Variants in NR3C2 observed in about 807,000 individuals in gnomAD.
The protein encoded by NR3C2 is nuclear receptor subfamily 3 group C member 2.
NR3C2 carries 15 observed loss-of-function variants against 86.4 expected under a neutral mutation model. The ratio of observed to expected loss-of-function variants is 0.17; its 90% CI spans 0.12 to 0.27. The LOEUF is 0.27. Among genes scored for constraint, NR3C2 ranks in the 10% least tolerant of loss-of-function variants. NR3C2 has a pLI of 1.00. For synonymous variants in NR3C2, 458 were observed against 450.5 expected (o/e 1.02, Z -0.21); for missense variants, 960 against 1,195.6 (o/e 0.80, Z 2.91).
At chr4:148,157,306 TA>T (rs1297102577) in intron 4 of NR3C2, among the ~76,000 whole-genome samples, 1 of 151,796 alleles carries the variant, frequency 6.6e-6, no homozygotes, top group South Asian at 2.1e-4. Context: ...AAAGTATAAT[TA>T]AAAAAACCCC....
chr4:148,442,734 C>G (rs887580395), upstream of NR3C2: 2 of 985,306 alleles, frequency 2.0e-6, no homozygotes, highest in African/African-American at 3.5e-5. Context: ...AAAGCCGCAG[C>G]CGCGGCGGGA....
intron 2 of NR3C2, among the ~76,000 whole-genome samples, chr4:148,323,871 A>T (rs1304971091): frequency 6.6e-6 from 1 of 151,376 alleles, no homozygotes; most frequent in Non-Finnish European, 1.5e-5. Context: ...TGTGGACCGG[A>T]GCTGTTCCCA....
At chr4:148,374,608 G>C (rs1394139822) in intron 2 of NR3C2, among the ~76,000 whole-genome samples, 1 of 152,112 alleles carries the variant, frequency 6.6e-6, no homozygotes, top group Non-Finnish European at 1.5e-5. Flanking sequence ...AGAACTTCCT[G>C]GATGCTCAGA....
rs964947366 is a variant in NR3C2, at chr4:148,221,313, A to G, written c.1898-26451T>C. 2.0e-5 allele frequency among the ~76,000 whole-genome samples: 3 copies of G among 152,346 alleles called. No individual in the cohort carries two copies. In the South Asian group the frequency reaches 6.2e-4, roughly 32 times the overall value. ...GATTTCCAGAGTAGTAGCTTTATAA[A>G]GTCACATAAAGTGGACGTACAACTC... On this transcript the variant is annotated intron_variant, in intron 3 of 8. Transcript: ENST00000358102.
chr4:148,340,339 G>A (rs1744691323), intron 2 of NR3C2, among the ~76,000 whole-genome samples: 1 of 152,022 alleles, frequency 6.6e-6, no homozygotes, highest in South Asian at 2.1e-4. Flanking sequence ...AAAGAATAGA[G>A]CTAACTCACT....
Position 148,080,870 on chromosome 4 carries a change from TTTA to T in NR3C2, c.*471_*473del, listed in dbSNP as rs777438365. On this transcript the variant is annotated 3_prime_UTR_variant, in exon 9 of 9. Transcript: ENST00000358102. The stretch of plus-strand genomic sequence containing the variant: ...CACAACAGGAATCTGTATATATTTT[TTTA>T]TTATTTTTTTGTGTTTTTTTAATAA... 4.9e-5 allele frequency: 18 copies of T among 367,652 alleles called. 1 individual carries two copies. The highest frequency in any genetic ancestry group is 2.4e-4 in the South Asian group (12 of 50,202). The allele number at this position is 367,652 out of a possible 1,614,324, so 22.8% of individuals were successfully genotyped here.
chr4:148,317,285 G>A (rs1309098744), intron 2 of NR3C2, among the ~76,000 whole-genome samples: 1 of 151,644 alleles, frequency 6.6e-6, no homozygotes, highest in Non-Finnish European at 1.5e-5. Context: ...AACCCGGGAG[G>A]TGGAGGTTGT....
intron 1 of NR3C2, among the ~76,000 whole-genome samples, chr4:148,438,057 T>C (rs1381216852): frequency 6.6e-6 from 1 of 152,220 alleles, no homozygotes; most frequent in Non-Finnish European, 1.5e-5. Flanking sequence ...ATCCAAATAA[T>C]ACAAGTGTGA....
chr4:148,281,146 T>C (rs548134746), intron 2 of NR3C2, among the ~76,000 whole-genome samples: 1 of 152,336 alleles, frequency 6.6e-6, no homozygotes, highest in African/African-American at 2.4e-5. Flanking sequence ...CTGCTTTTTC[T>C]TTATCCCTGT....
At chr4:148,182,182 G>A (rs1009004148) in intron 4 of NR3C2, among the ~76,000 whole-genome samples, 45 of 152,128 alleles carry the variant, frequency 3.0e-4, no homozygotes, top group Middle Eastern at 3.2e-3. Flanking sequence ...AGAAAACAGC[G>A]GTGAGATCGA....
intron 4 of NR3C2, among the ~76,000 whole-genome samples, chr4:148,192,230 G>A (rs1736230607): frequency 6.6e-6 from 1 of 152,164 alleles, no homozygotes; most frequent in Admixed American, 6.5e-5. Flanking sequence ...TTTCCTGTGA[G>A]CCAAACTGCA....
At chr4:148,439,813 CACATTTGTGAGGCT>C (rs1750250667) in intron 1 of NR3C2, among the ~76,000 whole-genome samples, 1 of 152,178 alleles carries the variant, frequency 6.6e-6, no homozygotes, top group Non-Finnish European at 1.5e-5. Context: ...AACCATATCC[CACATTTGTGAGGCT>C]ACGGAAGACC....
intron 6 of NR3C2, among the ~76,000 whole-genome samples, chr4:148,124,509 T>A (rs1203559496): frequency 1.3e-5 from 2 of 152,150 alleles, no homozygotes; most frequent in African/African-American, 4.8e-5. Flanking sequence ...AGCTTTAAAA[T>A]TTTTTTCTCT....
chr4:148,377,173 T>C (rs1455011635), intron 2 of NR3C2, among the ~76,000 whole-genome samples: 1 of 152,184 alleles, frequency 6.6e-6, no homozygotes, highest in Non-Finnish European at 1.5e-5. Flanking sequence ...ATAGTGATTG[T>C]TGCTAAAGAG....
Position 148,081,327 on chromosome 4 carries a change from T to G in NR3C2, c.*17A>C, listed in dbSNP as rs757550502. The G allele has an allele frequency of 8.1e-6, 13 of 1,614,080 alleles. No individual in the cohort carries two copies. ...CACAGGGAAACTTAAGGCAAAGTTCTTCTGGGCAGCGGGCAGTCACTTCCG... is the reference window on the plus strand; with the variant it reads ...CACAGGGAAACTTAAGGCAAAGTTCGTCTGGGCAGCGGGCAGTCACTTCCG... On this transcript the variant is annotated 3_prime_UTR_variant, in exon 9 of 9. Coordinates refer to ENST00000358102, the MANE Select transcript of NR3C2 (RefSeq NM_000901.5).
chr4:148,084,495 T>A (rs906194558), intron 8 of NR3C2, among the ~76,000 whole-genome samples: 27 of 152,318 alleles, frequency 1.8e-4, no homozygotes, highest in Admixed American at 1.8e-3. Context: ...CAGGCCTGCG[T>A]TACAAGAGCT....
chr4:148,259,977 C>T lies in NR3C2; in HGVS notation c.1897+1G>A. ...AAAGGAACACCCACATGAACATTTA[C>T]CTTCCACTGCTCTTTTGAAGAAAAC... On this transcript the variant is annotated splice_donor_variant, in intron 3 of 8. Transcript: ENST00000358102. LOFTEE classifies it high-confidence loss of function. 1 of 1,614,114 alleles carries T rather than the reference C, an allele frequency of 6.2e-7. No homozygotes were observed.
intron 8 of NR3C2, among the ~76,000 whole-genome samples, chr4:148,086,566 C>G (rs1017118560): frequency 6.6e-6 from 1 of 152,088 alleles, no homozygotes; most frequent in Non-Finnish European, 1.5e-5. Flanking sequence ...GAAACCCTGT[C>G]TCCACTTAAA....
Position 148,404,664 on chromosome 4 carries a change from A to C in NR3C2, c.1757+30440T>G, listed in dbSNP as rs1284551917. On this transcript the variant is annotated intron_variant, in intron 2 of 8. Coordinates refer to ENST00000358102, the MANE Select transcript of NR3C2 (RefSeq NM_000901.5). ...AACTAATAAACATGGATCTTGATGA[A>C]TTTTTTGGAAGCAAAATGATAAAAT... Among the ~76,000 whole-genome samples the C allele has an allele frequency of 1.3e-5, 2 of 152,144 alleles. 1 individual carries two copies. The highest frequency in any genetic ancestry group is 2.9e-5 in the Non-Finnish European group (2 of 68,014).
Sources: allele counts gnomAD v4.1 joint callset (sites outside exome capture counted in the v4.1 genomes callset), GRCh38; gene constraint gnomAD v4.1.1; transcripts MANE v1.5; gene names NCBI Gene and HGNC (gene_info 2026-07-23, HGNC 2026-07-21).